PTPRD: variants seen among roughly 807,000 people sequenced by gnomAD.
PTPRD encodes the protein receptor-type tyrosine-protein phosphatase delta.
A neutral mutation model predicts 214.5 loss-of-function variants in PTPRD; 34 were observed. That is an observed-to-expected ratio of 0.16 (90% CI 0.12 to 0.21). The LOEUF (loss-of-function observed/expected upper bound fraction) is 0.21. Among genes scored for constraint, PTPRD ranks in the 10% least tolerant of loss-of-function variants. PTPRD has a pLI of 1.00. For synonymous variants in PTPRD, 1,128 were observed against 845.7 expected (o/e 1.33, Z -5.79); for missense variants, 2,545 against 2,398.7 (o/e 1.06, Z -1.27).
intron 11 of PTPRD, among the ~76,000 whole-genome samples, chr9:8,919,708 T>G (rs1478694761): frequency 6.6e-6 from 1 of 151,784 alleles, no homozygotes; most frequent in African/African-American, 2.4e-5. Context: ...TATACACGTA[T>G]CCAACTGCAG....
At chr9:9,130,002 A>C (rs991722292) in intron 10 of PTPRD, among the ~76,000 whole-genome samples, 2 of 152,180 alleles carry the variant, frequency 1.3e-5, no homozygotes, top group Non-Finnish European at 2.9e-5. Context: ...TTAAGCACTT[A>C]AGAGTGCCTG....
intron 11 of PTPRD, among the ~76,000 whole-genome samples, chr9:8,889,676 T>C (rs1587452937): frequency 7.1e-6 from 1 of 140,264 alleles, no homozygotes; most frequent in African/African-American, 2.6e-5. Flanking sequence ...TGCATACTCA[T>C]AGCTTAGCTC....
intron 9 of PTPRD, among the ~76,000 whole-genome samples, chr9:9,310,878 A>G (rs1431031827): frequency 6.6e-6 from 1 of 151,806 alleles, no homozygotes; most frequent in East Asian, 1.9e-4. Flanking sequence ...AGATCGCGCC[A>G]TTGCACTCCA....
intron 2 of PTPRD, among the ~76,000 whole-genome samples, chr9:10,609,593 A>G (rs2080407098): frequency 6.6e-6 from 1 of 152,158 alleles, no homozygotes; most frequent in East Asian, 1.9e-4. Flanking sequence ...ATTATTAAAG[A>G]AAAATGTGCA....
rs144884852 is a variant in PTPRD, at chr9:9,281,452, T to G, written c.-202-98089A>C. On this transcript the variant is annotated intron_variant, in intron 9 of 45. Transcript: ENST00000381196. ...ATGGACAAAATACTTTAACACAGCC[T>G]TGATAAAGAAGACATGAAGATAGCT... Among the ~76,000 whole-genome samples the G allele has an allele frequency of 1.4e-3, 216 of 151,366 alleles. 1 individual carries two copies. The highest frequency in any genetic ancestry group is 5.1e-3 in the African/African-American group (211 of 41,442).
At position 9,757,651 on chromosome 9, in the gene PTPRD, G is replaced by C. The variant is rs185313256; in HGVS notation, c.-326+9159C>G. 7.2e-5 allele frequency among the ~76,000 whole-genome samples: 11 copies of C among 152,110 alleles called. No homozygotes were observed. The South Asian group carries it at 1.2e-3, about 17-fold the overall frequency. Reference sequence around the variant, plus strand: ...ATTAGCCACTAGAATTTCATAGAAAGGATGTGGGGTTTGGGATTAGCTAAA... The same window carrying C: ...ATTAGCCACTAGAATTTCATAGAAACGATGTGGGGTTTGGGATTAGCTAAA... On this transcript the variant is annotated intron_variant, in intron 6 of 45. Transcript: ENST00000381196.
At chr9:9,842,488 A>C (rs1323636014) in intron 5 of PTPRD, among the ~76,000 whole-genome samples, 2 of 151,840 alleles carry the variant, frequency 1.3e-5, no homozygotes, top group African/African-American at 4.8e-5. Flanking sequence ...AATAAATAAG[A>C]AGGAAGAAAG....
At chr9:8,955,456 A>G (rs1292225555) in intron 11 of PTPRD, among the ~76,000 whole-genome samples, 1 of 151,656 alleles carries the variant, frequency 6.6e-6, no homozygotes, top group Non-Finnish European at 1.5e-5. Flanking sequence ...GGACAGGGGG[A>G]GAGCTCATTT....
chr9:10,222,893 G>T (rs2099575942), intron 3 of PTPRD, among the ~76,000 whole-genome samples: 3 of 151,998 alleles, frequency 2.0e-5, no homozygotes, highest in African/African-American at 7.2e-5. Context: ...CTCAAAGAAA[G>T]ATAAAAATGT....
chr9:9,295,308 A>G (rs1385849521), intron 9 of PTPRD, among the ~76,000 whole-genome samples: 3 of 151,788 alleles, frequency 2.0e-5, no homozygotes, highest in Non-Finnish European at 4.4e-5. Context: ...TGTTCTAAAA[A>G]CAACATAAGA....
At chr9:8,919,003 C>G (rs1041937176) in intron 11 of PTPRD, among the ~76,000 whole-genome samples, 1 of 152,150 alleles carries the variant, frequency 6.6e-6, no homozygotes, top group Non-Finnish European at 1.5e-5. Flanking sequence ...AAGTTTATTT[C>G]TGAGGATTTC....
At chr9:10,280,574 T>A (rs999591897) in intron 3 of PTPRD, among the ~76,000 whole-genome samples, 12 of 152,168 alleles carry the variant, frequency 7.9e-5, no homozygotes, top group African/African-American at 2.9e-4. Context: ...TCCCAGAGTC[T>A]CTGATTCAGT....
At chr9:9,123,663 G>A (rs1042545944) in intron 10 of PTPRD, among the ~76,000 whole-genome samples, 2 of 152,014 alleles carry the variant, frequency 1.3e-5, no homozygotes, top group South Asian at 4.2e-4. Context: ...ATACTTTCTC[G>A]AGTGAAACCT....
chr9:9,653,523 G>A (rs1415924734), intron 7 of PTPRD, among the ~76,000 whole-genome samples: 2 of 152,086 alleles, frequency 1.3e-5, no homozygotes, highest in Non-Finnish European at 2.9e-5. Context: ...AGAAGCATCA[G>A]TTAAACAAAA....
intron 14 of PTPRD, among the ~76,000 whole-genome samples, chr9:8,566,683 T>C (rs561355807): frequency 1.3e-5 from 2 of 152,310 alleles, no homozygotes; most frequent in South Asian, 4.1e-4. Flanking sequence ...TGAAATACGT[T>C]AGACACTCAT....
chr9:9,331,131 T>C (rs1291144450), intron 9 of PTPRD, among the ~76,000 whole-genome samples: 2 of 152,078 alleles, frequency 1.3e-5, no homozygotes, highest in Non-Finnish European at 2.9e-5. Context: ...AGCTATTCTA[T>C]TCATGTCTCG....
chr9:8,989,332 C>T (rs951377538), intron 11 of PTPRD, among the ~76,000 whole-genome samples: 1 of 152,038 alleles, frequency 6.6e-6, no homozygotes, highest in African/African-American at 2.4e-5. Flanking sequence ...TATTTTCATA[C>T]CCCTTAACCA....
intron 2 of PTPRD, among the ~76,000 whole-genome samples, chr9:10,519,541 A>G (rs919604778): frequency 6.6e-6 from 1 of 152,164 alleles, no homozygotes; most frequent in African/African-American, 2.4e-5. Flanking sequence ...AGAGCTGAGT[A>G]TAATGTGTCT....
At chr9:8,475,275 G>C (rs550421152) in intron 30 of PTPRD, among the ~76,000 whole-genome samples, 3 of 152,204 alleles carry the variant, frequency 2.0e-5, no homozygotes, top group African/African-American at 7.2e-5. Flanking sequence ...CCTCTTAGCA[G>C]ACCTTTTAAG....
Sources: allele counts gnomAD v4.1 joint callset (sites outside exome capture counted in the v4.1 genomes callset), GRCh38; gene constraint gnomAD v4.1.1; transcripts MANE v1.5; gene names NCBI Gene and HGNC (gene_info 2026-07-23, HGNC 2026-07-21).